The following ADAM10 variants were observed in gnomAD, a reference collection of about 807,000 sequenced individuals.
ADAM10 encodes disintegrin and metalloproteinase domain-containing protein 10.
A neutral mutation model predicts 90.1 loss-of-function variants in ADAM10; 17 were observed. The observed-to-expected ratio is 0.19, with a 90% CI of 0.13 to 0.28. The LOEUF is 0.28. Ranked by LOEUF, ADAM10 falls within the 10% of genes least tolerant of loss-of-function variation. The probability of loss-of-function intolerance (pLI) is 1.00; values close to 1 mark genes in which losing one functional copy is unlikely to be tolerated. For missense variants in ADAM10, 610 were observed against 914.3 expected (o/e 0.67, Z 4.29); for synonymous variants, 310 against 298.6 (o/e 1.04, Z -0.40).
chr15:58,698,405 C>CCAA, intron 2 of ADAM10: 1 of 93,018 alleles, frequency 1.1e-5, no homozygotes, highest in Non-Finnish European at 1.8e-5. Context: ...AACCCCATCT[C>CCAA]TAAAAAAAAA....
intron 1 of ADAM10, among the ~76,000 whole-genome samples, chr15:58,726,339 T>C (rs1443156953): frequency 4.6e-5 from 7 of 151,408 alleles, no homozygotes; most frequent in African/African-American, 1.7e-4. Context: ...CCAAGGCGGG[T>C]GGATCACTTG....
At chr15:58,686,070 G>C (rs1897592679) in intron 2 of ADAM10, among the ~76,000 whole-genome samples, 1 of 152,126 alleles carries the variant, frequency 6.6e-6, no homozygotes, top group South Asian at 2.1e-4. Context: ...AAAGGAAGGT[G>C]CAACAATGAG....
rs980362964 is a variant in ADAM10 at position 58,634,743 on chromosome 15, A to G, written c.1013-1384T>C. Among the ~76,000 whole-genome samples, 3 of 152,316 alleles carry G rather than the reference A, an allele frequency of 2.0e-5. No individual in the cohort carries two copies. In the East Asian group the frequency reaches 5.8e-4, roughly 29 times the overall value. ...TTGATTTTTAAAAGAAATACAATCA[A>G]ATGGATAAGCGTATTACGATAACTG... is the stretch of plus-strand genomic sequence containing the variant. On this transcript the variant is annotated intron_variant, in intron 8 of 15. Coordinates refer to ENST00000260408, the MANE Select transcript of ADAM10 (RefSeq NM_001110.4).
At chr15:58,651,754 G>A (rs916805220) in intron 5 of ADAM10, among the ~76,000 whole-genome samples, 13 of 152,126 alleles carry the variant, frequency 8.5e-5, no homozygotes, top group Admixed American at 5.9e-4. Context: ...GTATCTCTTC[G>A]GGTAGATGTG....
intron 9 of ADAM10, among the ~76,000 whole-genome samples, chr15:58,628,905 T>C (rs890047563): frequency 2.6e-5 from 4 of 152,238 alleles, no homozygotes; most frequent in African/African-American, 9.6e-5. Flanking sequence ...AATTAAAAAA[T>C]GTGTCCTCTA....
In ADAM10 at chr15:58,637,922, A is replaced by G. The variant is rs535787082; in HGVS notation, c.1012+2855T>C. Among the ~76,000 whole-genome samples, 9 of 152,218 alleles carry G rather than the reference A, an allele frequency of 5.9e-5. No individual in the cohort carries two copies. The South Asian group carries it at 1.2e-3, about 21-fold the overall frequency. On this transcript the variant is annotated intron_variant, in intron 8 of 15. Coordinates refer to ENST00000260408, the MANE Select transcript of ADAM10 (RefSeq NM_001110.4). ...TATTGAAATAATCAAGAATAAATATATAACATTCCTTGTTTTAAAAAAAAA... is the reference window on the plus strand; with the variant it reads ...TATTGAAATAATCAAGAATAAATATGTAACATTCCTTGTTTTAAAAAAAAA...
chr15:58,604,863 T>A (rs1266432658), intron 14 of ADAM10, among the ~76,000 whole-genome samples: 1 of 152,124 alleles, frequency 6.6e-6, no homozygotes, highest in Non-Finnish European at 1.5e-5. Flanking sequence ...TCCTCCTGAG[T>A]AGCTGGGACT....
At chr15:58,688,765 A>ATT (rs1233073944) in intron 2 of ADAM10, among the ~76,000 whole-genome samples, 9 of 97,512 alleles carry the variant, frequency 9.2e-5, no homozygotes, top group African/African-American at 4.9e-4. Flanking sequence ...GAAAAAAAAA[A>ATT]TTATATATAT....
chr15:58,633,368 G>T lies in ADAM10; in HGVS notation c.1013-9C>A, dbSNP rs778279125. On this transcript the variant is annotated splice_polypyrimidine_tract_variant and intron_variant, in intron 8 of 15. Coordinates refer to ENST00000260408, the MANE Select transcript of ADAM10 (RefSeq NM_001110.4). ...TATTCCTCCAGAGCTTCCTAATCCA[G>T]AACAAAAAAATGGCTAAATTAGTAT... 1.2e-6 allele frequency: 2 copies of T among 1,611,746 alleles called. No homozygotes were observed. The highest frequency in any genetic ancestry group is 2.2e-5 in the South Asian group (2 of 90,840).
chr15:58,615,501 G>C (rs990984710), intron 11 of ADAM10, among the ~76,000 whole-genome samples: 3 of 151,976 alleles, frequency 2.0e-5, no homozygotes, highest in Non-Finnish European at 4.4e-5. Context: ...TGCCTAGGTT[G>C]GTCTTGCACT....
In ADAM10 at chr15:58,653,111, T is replaced by C. The variant is rs144958788; in HGVS notation, c.586-6907A>G. On this transcript the variant is annotated intron_variant, in intron 5 of 15. Transcript: ENST00000260408. ...TATTTGTTTATCAGTTCTAATAGTT[T>C]TTTGGTGGAGTCTATGGGTTTTTCC... Among the ~76,000 whole-genome samples, 1,265 of 152,306 alleles carry C rather than the reference T, an allele frequency of 8.3e-3. 15 individuals carry two copies. The highest frequency in any genetic ancestry group is 0.029 in the African/African-American group (1,206 of 41,568).
At chr15:58,669,308 G>T (rs1419807506) in intron 4 of ADAM10, among the ~76,000 whole-genome samples, 1 of 152,122 alleles carries the variant, frequency 6.6e-6, no homozygotes, top group Non-Finnish European at 1.5e-5. Flanking sequence ...CCAGTCAACA[G>T]CTGGTTTCCT....
At position 58,608,646 on chromosome 15, in the gene ADAM10, G is replaced by A. The variant is rs77314494; in HGVS notation, c.2025+1651C>T. Among the ~76,000 whole-genome samples, 276 of 152,250 alleles carry A rather than the reference G, an allele frequency of 1.8e-3. 1 individual carries two copies. Among genetic ancestry groups the A allele is most frequent in the Middle Eastern group, 6.8e-3 (2 of 294 alleles). ...AAGTGTCTGATTAATTAGTTCCAGA[G>A]CACAAGAAAGGACTTCATGTTGCCA... On this transcript the variant is annotated intron_variant, in intron 14 of 15. Transcript: ENST00000260408.
At chr15:58,688,491 A>T (rs932099131) in intron 2 of ADAM10, among the ~76,000 whole-genome samples, 11 of 152,150 alleles carry the variant, frequency 7.2e-5, no homozygotes, top group African/African-American at 2.6e-4. Context: ...ACTATAAAGA[A>T]ATGTGACAAA....
intron 9 of ADAM10, among the ~76,000 whole-genome samples, chr15:58,630,106 AGCTTAACAGTAT>A (rs1896062090): frequency 6.6e-6 from 1 of 152,116 alleles, no homozygotes; most frequent in Non-Finnish European, 1.5e-5. Flanking sequence ...CCTTTCTTTC[AGCTTAACAGTAT>A]AAAATGAGCA....
At chr15:58,677,152 CT>C in intron 4 of ADAM10, among the ~76,000 whole-genome samples, 1 of 152,284 alleles carries the variant, frequency 6.6e-6, no homozygotes, top group East Asian at 1.9e-4. Flanking sequence ...TTTAAGGGAA[CT>C]CCTTCCGTAC....
At chr15:58,643,750 C>T in intron 7 of ADAM10, 136 bp downstream of exon 7, 3 of 714,388 alleles carry the variant, frequency 4.2e-6, no homozygotes, top group Non-Finnish European at 4.8e-6. Context: ...GAGTAAAAAA[C>T]TGCATCAACA....
At chr15:58,721,058 C>T (rs1396285412) in intron 1 of ADAM10, among the ~76,000 whole-genome samples, 1 of 152,220 alleles carries the variant, frequency 6.6e-6, no homozygotes, top group African/African-American at 2.4e-5. Context: ...ATAAAGTATT[C>T]TGTCACTTTT....
chr15:58,742,634 G>A (rs1899652269), intron 1 of ADAM10, among the ~76,000 whole-genome samples: 1 of 152,148 alleles, frequency 6.6e-6, no homozygotes, highest in Non-Finnish European at 1.5e-5. Flanking sequence ...CACATTGCTG[G>A]ACAGCAACGT....
Sources: gnomAD v4.1 joint callset for allele counts (sites outside exome capture counted in the v4.1 genomes callset) on GRCh38, gnomAD v4.1.1 for gene constraint, MANE v1.5 for transcripts, NCBI Gene and HGNC (gene_info 2026-07-23, HGNC 2026-07-21) for gene names.